POLR3F: variants seen among roughly 807,000 people sequenced by gnomAD.
The protein encoded by POLR3F is RNA polymerase III subunit F.
POLR3F carries 31 observed loss-of-function variants against 43.6 expected under a neutral mutation model. The ratio of observed to expected loss-of-function variants is 0.71; its 90% confidence interval spans 0.53 to 0.96. The LOEUF (loss-of-function observed/expected upper bound fraction) is 0.96. Ranked by LOEUF, POLR3F falls within the 40% of genes least tolerant of loss-of-function variation. The probability of loss-of-function intolerance (pLI) is 0.00; values close to 1 mark genes in which losing one functional copy is unlikely to be tolerated. For missense variants in POLR3F, 316 were observed against 391.7 expected (o/e 0.81, Z 1.63); for synonymous variants, 114 against 132.5 (o/e 0.86, Z 0.96).
intron 3 of POLR3F, among the ~76,000 whole-genome samples, 179 bp from the exon 4 acceptor site, chr20:18,473,212 T>A (rs1388159179): frequency 6.6e-6 from 1 of 152,162 alleles, no homozygotes; most frequent in Non-Finnish European, 1.5e-5. Context: ...TTACTGTATC[T>A]TGGACATCTT....
chr20:18,476,454 T>C (rs1331396786), intron 5 of POLR3F, among the ~76,000 whole-genome samples: 6 of 152,242 alleles, frequency 3.9e-5, no homozygotes, highest in Non-Finnish European at 8.8e-5. Flanking sequence ...AAAATTCCAT[T>C]GTATAGATGT....
At chr20:18,482,477 C>T (rs977902857) in intron 8 of POLR3F, among the ~76,000 whole-genome samples, 1 of 152,154 alleles carries the variant, frequency 6.6e-6, no homozygotes, top group Non-Finnish European at 1.5e-5. Flanking sequence ...ATTTAATCCT[C>T]CTTACATTCT....
In POLR3F at chr20:18,484,420, G is replaced by GT. The variant is rs2059827465; in HGVS notation, c.*863dup. 3.2e-6 allele frequency: 1 copy of GT among 308,316 alleles called. No homozygotes were observed. The highest frequency in any genetic ancestry group is 1.6e-4 in the South Asian group (1 of 6,110). The allele number at this position is 308,316 out of a possible 1,614,324, so 19.1% of individuals were successfully genotyped here. A position where few individuals can be genotyped will look rare whatever the true frequency, so the allele number is the denominator to read the frequency against. ...ATGGTATTTGGAGGTGGGGCTTTTG[G>GT]TAAGTGATAGGTCAGGAGAGTAACA... On this transcript the variant is annotated 3_prime_UTR_variant, in exon 9 of 9. Coordinates refer to ENST00000377603, the MANE Select transcript of POLR3F (RefSeq NM_006466.4).
At chr20:18,467,740 A>G in intron 1 of POLR3F, 172 bp downstream of exon 1, 1 of 1,378,470 alleles carries the variant, frequency 7.3e-7, no homozygotes, top group South Asian at 1.5e-5. Flanking sequence ...GGGAGAGCAG[A>G]ACTCAAGAAG....
At chr20:18,471,792 G>T (rs2059753243) in intron 2 of POLR3F, among the ~76,000 whole-genome samples, 1 of 152,222 alleles carries the variant, frequency 6.6e-6, no homozygotes, top group Non-Finnish European at 1.5e-5. Context: ...AGATCAGCCT[G>T]GCCAACATGG....
chr20:18,481,540 C>A, intron 7 of POLR3F, 79 bp from the exon 8 acceptor site: 2 of 983,312 alleles, frequency 2.0e-6, no homozygotes, highest in Admixed American at 3.5e-5. Context: ...CGCCCAGCAA[C>A]CCTTTACTGT....
At chr20:18,483,179 C>T (rs1274717236) in intron 8 of POLR3F, among the ~76,000 whole-genome samples, 3 of 152,056 alleles carry the variant, frequency 2.0e-5, no homozygotes, top group Admixed American at 1.3e-4. Context: ...ATTCTCCTGC[C>T]TCAGCCTCCC....
chr20:18,468,971 T>A lies in POLR3F; in HGVS notation c.90T>A (p.Pro30=). 1 of 1,566,350 alleles carries A rather than the reference T, an allele frequency of 6.4e-7. No individual in the cohort carries two copies. Among genetic ancestry groups the A allele is most frequent in the Non-Finnish European group, 8.8e-7 (1 of 1,136,196 alleles). The change falls in exon 2 of 9, where the codon CCT becomes CCA. Residue 30 remains proline (P), a synonymous_variant. Transcript: ENST00000377603. Reference sequence around the variant, plus strand: ...TTATAGAATTATGTCACCAGTTCCCTCATGGAATCACAGACCAAGTAATTC... The same window carrying A: ...TTATAGAATTATGTCACCAGTTCCCACATGGAATCACAGACCAAGTAATTC... The part of the protein sequence containing the change: ...NRIIELCHQF[P]HGITDQVIQN...
chr20:18,477,683 A>G (rs1291147217), intron 5 of POLR3F, among the ~76,000 whole-genome samples: 3 of 152,252 alleles, frequency 2.0e-5, no homozygotes, highest in Non-Finnish European at 4.4e-5. Flanking sequence ...AGCCAGTCCG[A>G]AAAGGCTACA....
At chr20:18,477,545 GAAGC>G (rs1421843482) in intron 5 of POLR3F, among the ~76,000 whole-genome samples, 3 of 152,144 alleles carry the variant, frequency 2.0e-5, no homozygotes, top group Non-Finnish European at 4.4e-5. Flanking sequence ...TCAAAAACTG[GAAGC>G]AACCAAGGTA....
chr20:18,480,605 T>C, intron 7 of POLR3F, 96 bp downstream of exon 7: 1 of 673,280 alleles, frequency 1.5e-6, no homozygotes, highest in South Asian at 1.8e-5. Context: ...TTTTTTTTTT[T>C]GAGATGATAG....
rs773085543 is a variant in POLR3F at position 18,472,883 on chromosome 20, T to C, written c.222T>C (p.Tyr74=). The change falls in exon 3 of 9, where the codon TAT becomes TAC. Residue 74 remains tyrosine, a synonymous_variant. Coordinates refer to ENST00000377603, the MANE Select transcript of POLR3F (RefSeq NM_006466.4). ...TAAGGAGCAATACGGGCCTTTTATA[T>C]AGAATAAAGGACTCTCAGAATGCTG... ...DLLRSNTGLL[Y]RIKDSQNAGK... 2 of 1,513,686 alleles carry C rather than the reference T, an allele frequency of 1.3e-6. No individual in the cohort carries two copies. 93.8% of individuals were successfully genotyped at this position (1,513,686 alleles called of 1,614,324 possible).
intron 2 of POLR3F, among the ~76,000 whole-genome samples, chr20:18,469,575 G>T (rs918589865): frequency 1.3e-5 from 2 of 152,150 alleles, no homozygotes; most frequent in Admixed American, 1.3e-4. Context: ...CAAGAGGGAG[G>T]TGTATCCTAT....
rs935594412 is a variant in POLR3F at position 18,483,640 on chromosome 20, A to G, written c.*82A>G. On this transcript the variant is annotated 3_prime_UTR_variant, in exon 9 of 9. Coordinates refer to ENST00000377603, the MANE Select transcript of POLR3F (RefSeq NM_006466.4). ...AATTTAATTCATGATGGAACACGAA[A>G]TCTCCTTGAAAGCAAACTTCACAAT... The G allele has an allele frequency of 3.4e-6, 2 of 587,972 alleles. No individual in the cohort carries two copies. The allele number at this position is 587,972 out of a possible 1,614,324, so 36.4% of individuals were successfully genotyped here.
intron 1 of POLR3F, among the ~76,000 whole-genome samples, 170 bp from the exon 2 acceptor site, chr20:18,468,774 T>G (rs1213825998): frequency 1.3e-5 from 2 of 152,222 alleles, no homozygotes; most frequent in Non-Finnish European, 2.9e-5. Context: ...TATTTAGAAA[T>G]CATCTTCTTC....
intron 4 of POLR3F, among the ~76,000 whole-genome samples, chr20:18,474,505 G>A (rs576074752): frequency 3.0e-4 from 44 of 146,908 alleles, no homozygotes; most frequent in African/African-American, 3.0e-4. Flanking sequence ...TTATAAAAAC[G>A]TCGTTTTCAT....
chr20:18,474,526 T>C lies in POLR3F; in HGVS notation c.317-549T>C, dbSNP rs968633058. On this transcript the variant is annotated intron_variant, in intron 4 of 8. Coordinates refer to ENST00000377603, the MANE Select transcript of POLR3F (RefSeq NM_006466.4). ...AAACGTCGTTTTCATAATTTTTTTT[T>C]TCTTTTTTTTGAGATGGAGTCTTGC... 1.3e-5 allele frequency among the ~76,000 whole-genome samples: 2 copies of C among 152,144 alleles called. 1 individual carries two copies. Among genetic ancestry groups the C allele is most frequent in the East Asian group, 3.8e-4 (2 of 5,202 alleles).
In POLR3F at chr20:18,481,632, T is replaced by A. The variant is rs139273426; in HGVS notation, c.695T>A (p.Met232Lys). The A allele has an allele frequency of 3.1e-5, 49 of 1,605,964 alleles. 1 individual carries two copies. The South Asian group carries it at 5.3e-4, about 17-fold the overall frequency. ...TCCCTTTTTTAGGTAGAGTTATCCATGGAAGACATTGAAACCATCCTGAAT... is the reference window on the plus strand; with the variant it reads ...TCCCTTTTTTAGGTAGAGTTATCCAAGGAAGACATTGAAACCATCCTGAAT... ...ELGISKVELS[M>K]EDIETILNTL... Residue 232 changes from methionine (M) to lysine (K), a missense_variant, in exon 8 of 9, where the codon ATG becomes AAG. Transcript: ENST00000377603.
chr20:18,467,647 C>T, intron 1 of POLR3F, 79 bp downstream of exon 1: 1 of 1,604,348 alleles, frequency 6.2e-7, no homozygotes, highest in Non-Finnish European at 8.5e-7. Context: ...TCCGGGATCC[C>T]TTGGGAGTGG....
Sources: allele counts gnomAD v4.1 joint callset (sites outside exome capture counted in the v4.1 genomes callset), GRCh38; gene constraint gnomAD v4.1.1; transcripts MANE v1.5; gene names NCBI Gene and HGNC (gene_info 2026-07-23, HGNC 2026-07-21).